Variants in CNBD2 observed in about 807,000 individuals in gnomAD.
The protein encoded by CNBD2 is cyclic nucleotide-binding domain-containing protein 2.
Under a neutral mutation model 63.7 loss-of-function variants are expected in CNBD2, and 64 were observed. The ratio of observed to expected loss-of-function variants is 1.00; its 90% CI spans 0.82 to 1.24. The LOEUF (loss-of-function observed/expected upper bound fraction) is 1.24, where lower values mean the gene tolerates loss of function less well. Ranked by LOEUF, CNBD2 falls within the 50% of genes most tolerant of loss-of-function variation. The pLI, the probability that CNBD2 is intolerant of heterozygous loss-of-function variation, is 0.00. For missense variants in CNBD2, 691 were observed against 713.5 expected (o/e 0.97, Z 0.36); for synonymous variants, 229 against 255.4 (o/e 0.90, Z 0.99).
At chr20:36,009,356 T>C (rs2057027383) in intron 9 of CNBD2, among the ~76,000 whole-genome samples, 1 of 151,804 alleles carries the variant, frequency 6.6e-6, no homozygotes, top group Admixed American at 6.6e-5. Flanking sequence ...CACCTGCCAC[T>C]GTGTCTGGCT....
At chr20:36,012,477 C>CAAAAAA (rs11471733) in intron 10 of CNBD2, among the ~76,000 whole-genome samples, 2 of 139,988 alleles carry the variant, frequency 1.4e-5, no homozygotes, top group Admixed American at 1.4e-4. Flanking sequence ...AACTCCATCT[C>CAAAAAA]AAAAAAAAAA....
In CNBD2 at chr20:35,984,696, G is replaced by A. The variant is rs2056643872; in HGVS notation, c.634G>A (p.Val212Ile). 2 of 1,614,200 alleles carry A rather than the reference G, an allele frequency of 1.2e-6. No individual in the cohort carries two copies. The highest frequency in any genetic ancestry group is 8.5e-7 in the Non-Finnish European group (1 of 1,180,028). The change falls in exon 6 of 12, where the codon GTT becomes ATT. Residue 212 changes from valine to isoleucine, a missense_variant. Coordinates refer to ENST00000373973, the MANE Select transcript of CNBD2 (RefSeq NM_001365709.1). Reference sequence around the variant, plus strand: ...CTGTATGGAAGAAACGGAGTTCCTGGTTGTTGACCGGGAGGACTTCTTTGC... The same window carrying A: ...CTGTATGGAAGAAACGGAGTTCCTGATTGTTGACCGGGAGGACTTCTTTGC... Reference protein sequence around the residue: ...IVCMEETEFLVVDREDFFANK... With the variant: ...IVCMEETEFLIVDREDFFANK...
At position 35,968,772 on chromosome 20, in the gene CNBD2, CAT is replaced by C; in HGVS notation, c.13_14del (p.Met5GlyfsTer29). On this transcript the variant is annotated frameshift_variant, in exon 1 of 12. Transcript: ENST00000373973. LOFTEE classifies it high-confidence loss of function. ...TGCCTGCACAGGAACCATGAGGAGA[CAT>C]ATGGTAACTTATGCCTGGCAGCTCC... MRR[H>X]MVTYAWQLLK... 1.2e-6 allele frequency: 2 copies of C among 1,608,924 alleles called. No individual in the cohort carries two copies. Among genetic ancestry groups the C allele is most frequent in the Non-Finnish European group, 1.7e-6 (2 of 1,178,272 alleles).
At chr20:35,974,565 G>T (rs1214501358) in intron 2 of CNBD2, 2 of 154,034 alleles carry the variant, frequency 1.3e-5, no homozygotes, top group African/African-American at 4.8e-5. Context: ...TGGGCGGCTG[G>T]AGTGCAGGAT....
chr20:35,957,477 C>T (rs893258382), downstream of CNBD2, among the ~76,000 whole-genome samples: 4 of 152,024 alleles, frequency 2.6e-5, no homozygotes, highest in Non-Finnish European at 5.9e-5. Context: ...AATCTCAGCA[C>T]TTTAGAAGGC....
intron 9 of CNBD2, 39 bp from the exon 10 acceptor site, chr20:36,011,098 T>C: frequency 6.8e-7 from 1 of 1,478,426 alleles, no homozygotes; most frequent in Non-Finnish European, 9.0e-7. Context: ...GAGCAGACTG[T>C]GTTACAGATG....
At chr20:35,960,055 T>TG (rs1322608183), downstream of CNBD2, among the ~76,000 whole-genome samples, 1 of 152,240 alleles carries the variant, frequency 6.6e-6, no homozygotes, top group Non-Finnish European at 1.5e-5. Context: ...TCTCTGAGTT[T>TG]GAAAAGGAAG....
At chr20:35,977,350 G>C in intron 3 of CNBD2, among the ~76,000 whole-genome samples, 1 of 152,088 alleles carries the variant, frequency 6.6e-6, no homozygotes, top group East Asian at 1.9e-4. Flanking sequence ...GTGCGCTGCT[G>C]AGCCCAGCTG....
chr20:36,022,201 T>C (rs202195232), intron 10 of CNBD2, among the ~76,000 whole-genome samples: 41 of 66,444 alleles, frequency 6.2e-4, no homozygotes, highest in African/African-American at 2.4e-3. Context: ...TTTTCTTTTT[T>C]TTTTTTTTTT....
intron 8 of CNBD2, among the ~76,000 whole-genome samples, chr20:36,001,788 C>A (rs1355150305): frequency 1.3e-5 from 2 of 150,928 alleles, no homozygotes; most frequent in African/African-American, 4.9e-5. Flanking sequence ...CTCCCCACAT[C>A]TCAGACGATG....
chr20:36,016,199 G>T (rs1261718440), intron 10 of CNBD2, among the ~76,000 whole-genome samples: 2 of 152,060 alleles, frequency 1.3e-5, no homozygotes, highest in Admixed American at 1.3e-4. Flanking sequence ...CCTCAAAACT[G>T]CCAAGGTCAT....
At chr20:36,025,692 T>C (rs1204160381) in intron 11 of CNBD2, among the ~76,000 whole-genome samples, 2 of 152,148 alleles carry the variant, frequency 1.3e-5, no homozygotes, top group Non-Finnish European at 2.9e-5. Flanking sequence ...AGAGTGAATG[T>C]TAATGCTTTT....
chr20:35,956,728 GC>G (rs149652528), downstream of CNBD2, among the ~76,000 whole-genome samples: 307 of 152,244 alleles, frequency 2.0e-3, 9 homozygotes, highest in East Asian at 0.045. Context: ...CAGTTTCTAG[GC>G]CTAAGGGAGC....
chr20:35,987,497 T>G lies in CNBD2; in HGVS notation c.819T>G (p.Asp273Glu). 3.7e-6 allele frequency: 6 copies of G among 1,614,048 alleles called. No homozygotes were observed. Among genetic ancestry groups the G allele is most frequent in the Non-Finnish European group, 5.1e-6 (6 of 1,179,972 alleles). Residue 273 changes from aspartate to glutamate, a missense_variant, in exon 7 of 12, where the codon GAT (aspartate) becomes GAG (glutamate). Transcript: ENST00000373973. ...RFSYGQLISK[D>E]FGESPFIMFI... ...CGTATGGGCAGCTGATCTCAAAAGA[T>G]TTTGGAGAGTCACCCTTCATCATGT...
chr20:35,977,824 G>A (rs1188949909), intron 3 of CNBD2, among the ~76,000 whole-genome samples: 2 of 152,172 alleles, frequency 1.3e-5, no homozygotes, highest in African/African-American at 4.8e-5. Flanking sequence ...ACACTGAATT[G>A]TACACTTTAA....
upstream of CNBD2, among the ~76,000 whole-genome samples, chr20:35,968,334 G>T (rs889871302): frequency 6.7e-6 from 1 of 149,046 alleles, no homozygotes; most frequent in East Asian, 2.0e-4. Context: ...ACAGCTAGGG[G>T]GTCCTAGATC....
intron 8 of CNBD2, among the ~76,000 whole-genome samples, chr20:35,999,606 A>G (rs2056869455): frequency 6.6e-6 from 1 of 151,958 alleles, no homozygotes; most frequent in Non-Finnish European, 1.5e-5. Context: ...TGCTATTGTG[A>G]TATATTATAC....
chr20:36,023,536 A>T, intron 10 of CNBD2, 66 bp from the exon 11 acceptor site: 1 of 1,314,788 alleles, frequency 7.6e-7, no homozygotes, highest in Non-Finnish European at 1.0e-6. Flanking sequence ...AAGAAAAAAA[A>T]GAATGAAAAT....
chr20:36,013,326 A>G (rs57535361), intron 10 of CNBD2, among the ~76,000 whole-genome samples: 5,398 of 151,854 alleles, frequency 0.036, 337 homozygotes, highest in African/African-American at 0.12. Flanking sequence ...GCTGAGGCAG[A>G]AGAGTTGCTT....
Sources: allele counts gnomAD v4.1 joint callset (sites outside exome capture counted in the v4.1 genomes callset), GRCh38; gene constraint gnomAD v4.1.1; transcripts MANE v1.5; gene names NCBI Gene and HGNC (gene_info 2026-07-23, HGNC 2026-07-21).